DCDC2: variants seen among roughly 807,000 people sequenced by gnomAD.
DCDC2 encodes doublecortin domain-containing protein 2.
In DCDC2, 40 loss-of-function variants were observed where a neutral mutation model predicts 50.2. That is an observed-to-expected ratio of 0.80 (90% CI 0.62 to 1.04). The LOEUF (loss-of-function observed/expected upper bound fraction) is 1.04, where lower values mean the gene tolerates loss of function less well. DCDC2 is among the 50% of genes least tolerant of loss of function. The pLI is 0.00. For synonymous variants in DCDC2, 234 were observed against 210.6 expected (o/e 1.11, Z -0.96); for missense variants, 570 against 581.9 (o/e 0.98, Z 0.21).
the DCDC2 span, among the ~76,000 whole-genome samples, chr6:24,370,603 G>T: frequency 4.6e-5 from 7 of 152,162 alleles, no homozygotes; most frequent in African/African-American, 1.7e-4. Context: ...CCAGCTACTT[G>T]AGGGGCTGAG....
intron 2 of DCDC2, among the ~76,000 whole-genome samples, chr6:24,349,480 A>C (rs1468768319): frequency 1.3e-5 from 2 of 152,206 alleles, no homozygotes; most frequent in African/African-American, 4.8e-5. Context: ...GGCAAGAGTA[A>C]GTGCTGGTAA....
chr6:24,278,614 CA>C (rs1260369849), intron 6 of DCDC2, among the ~76,000 whole-genome samples: 1 of 152,142 alleles, frequency 6.6e-6, no homozygotes, highest in Non-Finnish European at 1.5e-5. Context: ...TGTAGCCAGT[CA>C]GGGGCAGAGC....
chr6:24,225,353 T>C (rs1056380084), intron 7 of DCDC2, among the ~76,000 whole-genome samples: 4 of 152,254 alleles, frequency 2.6e-5, no homozygotes, highest in African/African-American at 9.6e-5. Context: ...GGAGAAGCAG[T>C]AGACACAAAT....
intron 7 of DCDC2, among the ~76,000 whole-genome samples, chr6:24,249,477 A>G (rs1028722828): frequency 6.6e-6 from 1 of 152,228 alleles, no homozygotes; most frequent in African/African-American, 2.4e-5. Flanking sequence ...CTGTGCTGCT[A>G]TGATATACAG....
chr6:24,328,442 CA>C (rs1019435247), intron 2 of DCDC2, among the ~76,000 whole-genome samples: 3 of 152,184 alleles, frequency 2.0e-5, no homozygotes, highest in Non-Finnish European at 4.4e-5. Context: ...TCTTAGGGCA[CA>C]GGGGGAGTTT....
chr6:24,174,577 C>G lies in DCDC2; in HGVS notation c.*153G>C. The G allele has an allele frequency of 2.1e-6, 1 of 479,484 alleles. No individual in the cohort carries two copies. 29.7% of individuals were successfully genotyped at this position (479,484 alleles called of 1,614,324 possible). ...TCCTTTAGTAGCCATTTAAAGTTATCTGGTCTTTCCACTAGGCTTCTAATG... is the reference window on the plus strand; with the variant it reads ...TCCTTTAGTAGCCATTTAAAGTTATGTGGTCTTTCCACTAGGCTTCTAATG... On this transcript the variant is annotated 3_prime_UTR_variant, in exon 10 of 10. Transcript: ENST00000378454.
intron 6 of DCDC2, among the ~76,000 whole-genome samples, chr6:24,279,580 C>A (rs1763427322): frequency 6.6e-6 from 1 of 152,048 alleles, no homozygotes; most frequent in African/African-American, 2.4e-5. Flanking sequence ...GACCCCATCT[C>A]TAACAAAAAG....
chr6:24,341,469 A>G (rs35830445), intron 2 of DCDC2, among the ~76,000 whole-genome samples: 3 of 151,826 alleles, frequency 2.0e-5, no homozygotes, highest in African/African-American at 7.3e-5. Flanking sequence ...TACTGCCTGC[A>G]TATTTCCTGC....
At chr6:24,186,291 T>C (rs893331036) in intron 8 of DCDC2, among the ~76,000 whole-genome samples, 2 of 152,260 alleles carry the variant, frequency 1.3e-5, no homozygotes, top group Non-Finnish European at 1.5e-5. Context: ...TAGCATATTG[T>C]GCTTCTTAGA....
At chr6:24,178,124 G>C (rs1277552561) in intron 9 of DCDC2, among the ~76,000 whole-genome samples, 1 of 152,212 alleles carries the variant, frequency 6.6e-6, no homozygotes, top group Non-Finnish European at 1.5e-5. Context: ...CAGAAGGGCA[G>C]ACACAAACTG....
rs1760856577 is a variant in DCDC2 at position 24,174,528 on chromosome 6, A to C, written c.*202T>G. 2.4e-6 allele frequency: 1 copy of C among 410,516 alleles called. No homozygotes were observed. The highest frequency in any genetic ancestry group is 3.8e-5 in the Admixed American group (1 of 26,218). 25.4% of individuals were successfully genotyped at this position (410,516 alleles called of 1,614,324 possible). A position where few individuals can be genotyped will look rare whatever the true frequency, so the allele number is the denominator to read the frequency against. ...AATATTTCTATATGACTTTTAAAACACATGCAATAAAAGTAAGTAATTATC... is the reference window on the plus strand; with the variant it reads ...AATATTTCTATATGACTTTTAAAACCCATGCAATAAAAGTAAGTAATTATC... On this transcript the variant is annotated 3_prime_UTR_variant, in exon 10 of 10. Coordinates refer to ENST00000378454, the MANE Select transcript of DCDC2 (RefSeq NM_016356.5).
chr6:24,278,083 T>C lies in DCDC2; in HGVS notation c.888A>G (p.Lys296=), dbSNP rs41271773. 557 of 1,613,104 alleles carry C rather than the reference T, an allele frequency of 3.5e-4. No homozygotes were observed. Among genetic ancestry groups the C allele is most frequent in the Non-Finnish European group, 4.6e-4 (539 of 1,179,376 alleles). The stretch of plus-strand genomic sequence containing the variant: ...GAATGGTTTCTTGTGAATTCTTTAA[T>C]TTTACATTTTGTTTCAATTTCGTCA... ...EKLTKLKQNV[K]LKNSQETIPN... Residue 296 remains lysine (K), a synonymous_variant, in exon 7 of 10, where the codon AAA becomes AAG. Transcript: ENST00000378454.
At chr6:24,265,167 G>A (rs1289308756) in intron 7 of DCDC2, among the ~76,000 whole-genome samples, 1 of 152,008 alleles carries the variant, frequency 6.6e-6, no homozygotes, top group East Asian at 1.9e-4. Flanking sequence ...AAACTATAAA[G>A]GGAGACAGAG....
At chr6:24,277,896 A>G (rs1763394690) in intron 7 of DCDC2, among the ~76,000 whole-genome samples, 153 bp downstream of exon 7, 1 of 152,230 alleles carries the variant, frequency 6.6e-6, no homozygotes, top group African/African-American at 2.4e-5. Context: ...ACCAAGCATA[A>G]AAACAGCAGC....
chr6:24,301,381 A>AG lies in DCDC2; in HGVS notation c.557+333_557+334insC, dbSNP rs1443156837. ...GCAAGGCTCCATCTCAAAAAAAAAA[A>AG]AAAAAAAAAAAAGTTAAGGGGCTGG... On this transcript the variant is annotated intron_variant, in intron 4 of 9. Coordinates refer to ENST00000378454, the MANE Select transcript of DCDC2 (RefSeq NM_016356.5). 2.0e-5 allele frequency among the ~76,000 whole-genome samples: 3 copies of AG among 151,366 alleles called. No individual in the cohort carries two copies. The East Asian group carries it at 5.8e-4, about 29-fold the overall frequency.
intron 7 of DCDC2, among the ~76,000 whole-genome samples, chr6:24,217,855 T>A (rs1202762701): frequency 1.3e-5 from 2 of 152,238 alleles, no homozygotes; most frequent in Non-Finnish European, 2.9e-5. Flanking sequence ...CATCTTAACA[T>A]AAAATAGAAG....
At chr6:24,363,694 A>G in the DCDC2 span, among the ~76,000 whole-genome samples, 1 of 152,042 alleles carries the variant, frequency 6.6e-6, no homozygotes, top group Non-Finnish European at 1.5e-5. Context: ...AGTTCTATCA[A>G]TTCTATCTCT....
At chr6:24,176,587 T>C (rs574180184) in intron 9 of DCDC2, among the ~76,000 whole-genome samples, 54 of 152,350 alleles carry the variant, frequency 3.5e-4, no homozygotes, top group African/African-American at 1.2e-3. Flanking sequence ...TTAATTAACA[T>C]ACACCTTACC....
At chr6:24,254,400 G>T (rs932689524) in intron 7 of DCDC2, among the ~76,000 whole-genome samples, 8 of 151,946 alleles carry the variant, frequency 5.3e-5, no homozygotes, top group Non-Finnish European at 1.2e-4. Context: ...CAATAAATTT[G>T]TTTATTGTTT....
Sources: allele counts gnomAD v4.1 joint callset (sites outside exome capture counted in the v4.1 genomes callset), GRCh38; gene constraint gnomAD v4.1.1; transcripts MANE v1.5; gene names NCBI Gene and HGNC (gene_info 2026-07-23, HGNC 2026-07-21).